Variants in SLAIN2 observed in about 807,000 individuals in gnomAD.
SLAIN2 encodes SLAIN family member 2, also known as SLAIN motif-containing protein 2.
A neutral mutation model predicts 56.6 loss-of-function variants in SLAIN2; 31 were observed. The ratio of observed to expected loss-of-function variants is 0.55; its 90% CI spans 0.41 to 0.74. SLAIN2 has a LOEUF of 0.74. Ranked by LOEUF, SLAIN2 falls within the 30% of genes least tolerant of loss-of-function variation. SLAIN2 has a pLI of 0.00. For synonymous variants in SLAIN2, 317 were observed against 284.9 expected, an observed-to-expected ratio of 1.11 and a Z score of -1.13; for missense variants, 777 against 754.2, an observed-to-expected ratio of 1.03 and a Z score of -0.35.
At chr4:48,369,459 C>T (rs1715609536) in intron 1 of SLAIN2, among the ~76,000 whole-genome samples, 1 of 152,088 alleles carries the variant, frequency 6.6e-6, no homozygotes, top group Admixed American at 6.5e-5. Context: ...TTGTGTATGT[C>T]GTGGGAAGGG....
Position 48,419,449 on chromosome 4 carries a change from G to A in SLAIN2, c.1361-676G>A, listed in dbSNP as rs551309011. ...AGAGTCTTGCTCTGTCACCCAGGCC[G>A]GAGTGCAGTGGCATCATCTCGGCTC... On this transcript the variant is annotated intron_variant, in intron 6 of 7. Coordinates refer to ENST00000264313, the MANE Select transcript of SLAIN2 (RefSeq NM_020846.2). Among the ~76,000 whole-genome samples the A allele has an allele frequency of 6.6e-5, 10 of 152,200 alleles. No individual in the cohort carries two copies. In the South Asian group the frequency reaches 2.1e-3, roughly 32 times the overall value.
intron 1 of SLAIN2, among the ~76,000 whole-genome samples, chr4:48,358,264 G>A (rs1419595681): frequency 6.6e-6 from 1 of 151,680 alleles, no homozygotes; most frequent in Non-Finnish European, 1.5e-5. Context: ...TGCCTGACAT[G>A]TAATGAGCAT....
chr4:48,382,974 G>A (rs1565221), intron 5 of SLAIN2, 47 bp downstream of exon 5: 43,629 of 1,501,062 alleles, frequency 0.029, 674 homozygotes, highest in Admixed American at 0.054. Context: ...CTGCTAGCCT[G>A]TGTAACATAG....
chr4:48,370,488 G>A lies in SLAIN2; in HGVS notation c.538+491G>A, dbSNP rs1560455017. Among the ~76,000 whole-genome samples the A allele has an allele frequency of 3.9e-5, 6 of 152,324 alleles. No individual in the cohort carries two copies. In the South Asian group the frequency reaches 1.2e-3, roughly 32 times the overall value. On this transcript the variant is annotated intron_variant, in intron 2 of 7. Transcript: ENST00000264313. ...GATGAACCTTGAAAGGTAATTTTCA[G>A]GGTTAAGTGTTATGTGAAAGAGCCT...
At chr4:48,402,772 A>T (rs1716588969) in intron 6 of SLAIN2, among the ~76,000 whole-genome samples, 1 of 152,036 alleles carries the variant, frequency 6.6e-6, no homozygotes, top group African/African-American at 2.4e-5. Context: ...TGCCGGAGAG[A>T]TGTGGTCATT....
At chr4:48,403,263 G>A (rs1370163230) in intron 6 of SLAIN2, among the ~76,000 whole-genome samples, 2 of 152,204 alleles carry the variant, frequency 1.3e-5, no homozygotes, top group Admixed American at 1.3e-4. Flanking sequence ...GCTCTGGGGG[G>A]ATCCCCTTTT....
At chr4:48,357,133 A>T (rs1715178458) in intron 1 of SLAIN2, among the ~76,000 whole-genome samples, 1 of 151,006 alleles carries the variant, frequency 6.6e-6, no homozygotes, top group Non-Finnish European at 1.5e-5. Context: ...ATATTTATAT[A>T]AGTATAGTAT....
intron 1 of SLAIN2, among the ~76,000 whole-genome samples, chr4:48,347,325 C>T (rs1714895732): frequency 6.6e-6 from 1 of 151,358 alleles, no homozygotes. Context: ...GTACCACCCC[C>T]CCTCCCCCAC....
intron 2 of SLAIN2, among the ~76,000 whole-genome samples, chr4:48,370,413 T>C (rs2109753141): frequency 6.6e-6 from 1 of 152,334 alleles, no homozygotes; most frequent in South Asian, 2.1e-4. Context: ...CCTTAATTGC[T>C]CTGTCACTGC....
chr4:48,354,238 T>A (rs1384379158), intron 1 of SLAIN2, among the ~76,000 whole-genome samples: 3 of 152,170 alleles, frequency 2.0e-5, no homozygotes, highest in Admixed American at 6.5e-5. Context: ...CTGGGCTATA[T>A]AAAGTGAAGG....
chr4:48,367,033 A>T (rs1444448929), intron 1 of SLAIN2, among the ~76,000 whole-genome samples: 1 of 152,240 alleles, frequency 6.6e-6, no homozygotes, highest in Non-Finnish European at 1.5e-5. Context: ...ATGAGCAAAG[A>T]ATATGATATG....
chr4:48,416,806 G>A (rs1344453976), intron 6 of SLAIN2, among the ~76,000 whole-genome samples: 2 of 101,168 alleles, frequency 2.0e-5, no homozygotes, highest in African/African-American at 3.8e-5. Flanking sequence ...TGAAACCAAC[G>A]AGAACAAAGA....
intron 6 of SLAIN2, among the ~76,000 whole-genome samples, chr4:48,414,873 A>G (rs1577740151): frequency 1.1e-4 from 2 of 17,684 alleles, no homozygotes; most frequent in South Asian, 3.6e-3. Flanking sequence ...CCATGTCCCT[A>G]CAAAGGATAT....
chr4:48,342,165 C>T (rs1714729310), intron 1 of SLAIN2, 37 bp downstream of exon 1: 5 of 1,330,330 alleles, frequency 3.8e-6, no homozygotes, highest in Non-Finnish European at 4.8e-6. Context: ...TGGGCGGGGA[C>T]GGGCCCGGGG....
intron 1 of SLAIN2, among the ~76,000 whole-genome samples, chr4:48,357,775 G>T (rs914005575): frequency 1.3e-5 from 2 of 152,088 alleles, no homozygotes; most frequent in Non-Finnish European, 2.9e-5. Flanking sequence ...GGCTGGTCTT[G>T]TACTCCCAAC....
chr4:48,341,584 A>G lies in SLAIN2; in HGVS notation c.-156A>G. The G allele has an allele frequency of 8.3e-7, 1 of 1,202,774 alleles. No individual in the cohort carries two copies. The highest frequency in any genetic ancestry group is 1.1e-6 in the Non-Finnish European group (1 of 916,640). The allele number at this position is 1,202,774 out of a possible 1,614,324, so 74.5% of individuals were successfully genotyped here. ...CGGCTGGGGCCAGCGGCGCTTTGGA[A>G]CCCGAGGTGGGGGGACCCTGGCGGT... On this transcript the variant is annotated 5_prime_UTR_variant, in exon 1 of 8. Transcript: ENST00000264313.
intron 2 of SLAIN2, among the ~76,000 whole-genome samples, chr4:48,376,913 C>CTTTTT (rs11347630): frequency 2.7e-5 from 3 of 111,744 alleles, no homozygotes; most frequent in Admixed American, 9.6e-5. Context: ...GCCCGGCCGA[C>CTTTTT]TTTTTTTTTT....
chr4:48,392,652 T>G (rs1414337763), intron 6 of SLAIN2, among the ~76,000 whole-genome samples: 1 of 152,128 alleles, frequency 6.6e-6, no homozygotes, highest in Non-Finnish European at 1.5e-5. Context: ...CATATCTACA[T>G]AGCTTACTTC....
chr4:48,386,218 A>G (rs1368325497), intron 6 of SLAIN2, among the ~76,000 whole-genome samples: 1 of 152,146 alleles, frequency 6.6e-6, no homozygotes, highest in Non-Finnish European at 1.5e-5. Flanking sequence ...TTTATATTAT[A>G]CTGTATTTAG....
Sources: allele counts gnomAD v4.1 joint callset (sites outside exome capture counted in the v4.1 genomes callset), GRCh38; gene constraint gnomAD v4.1.1; transcripts MANE v1.5; gene names NCBI Gene and HGNC (gene_info 2026-07-23, HGNC 2026-07-21).